Variants in CNTN5 observed in about 807,000 individuals in gnomAD.
CNTN5 encodes the protein contactin-5.
CNTN5 carries 77 observed loss-of-function variants against 129.1 expected under a neutral mutation model. The ratio of observed to expected loss-of-function variants is 0.60; its 90% CI spans 0.50 to 0.72. The LOEUF (loss-of-function observed/expected upper bound fraction) is 0.72, where lower values mean the gene tolerates loss of function less well. Ranked by LOEUF, CNTN5 falls within the 30% of genes least tolerant of loss-of-function variation. The pLI is 0.00. For synonymous variants in CNTN5, 509 were observed against 465.6 expected, an observed-to-expected ratio of 1.09 and a Z score of -1.20; for missense variants, 1,478 against 1,328.8, an observed-to-expected ratio of 1.11 and a Z score of -1.75.
chr11:99,775,085 A>G (rs1248919152), intron 3 of CNTN5, among the ~76,000 whole-genome samples: 2 of 152,082 alleles, frequency 1.3e-5, no homozygotes, highest in Admixed American at 6.6e-5. Flanking sequence ...GATGCTCTAT[A>G]GCTAAGTCAA....
intron 1 of CNTN5, among the ~76,000 whole-genome samples, chr11:99,241,751 A>T (rs983636350): frequency 2.0e-5 from 3 of 152,180 alleles, no homozygotes; most frequent in African/African-American, 4.8e-5. Flanking sequence ...CTCCTTGAAG[A>T]TCACAATTCA....
At chr11:100,221,887 T>C (rs1177569483) in intron 15 of CNTN5, among the ~76,000 whole-genome samples, 1 of 151,196 alleles carries the variant, frequency 6.6e-6, no homozygotes, top group Non-Finnish European at 1.5e-5. Context: ...AAAGTGAAAA[T>C]GAGGTTTAAG....
intron 13 of CNTN5, among the ~76,000 whole-genome samples, chr11:100,120,235 A>T (rs1464474084): frequency 2.6e-5 from 4 of 151,984 alleles, no homozygotes; most frequent in African/African-American, 9.7e-5. Context: ...GAATTTTTGT[A>T]ACAAGCATGT....
intron 6 of CNTN5, among the ~76,000 whole-genome samples, chr11:99,903,854 C>G (rs993055655): frequency 1.3e-5 from 2 of 151,992 alleles, no homozygotes; most frequent in Non-Finnish European, 2.9e-5. Context: ...TACAAATGGG[C>G]AAATGAGCTG....
intron 13 of CNTN5, among the ~76,000 whole-genome samples, chr11:100,116,972 C>T (rs1945859947): frequency 6.6e-6 from 1 of 151,998 alleles, no homozygotes. Flanking sequence ...TGAAGAAATT[C>T]TCAGCTTCTC....
At chr11:99,320,026 C>T (rs901256779) in intron 1 of CNTN5, among the ~76,000 whole-genome samples, 56 of 152,130 alleles carry the variant, frequency 3.7e-4, no homozygotes, top group African/African-American at 1.2e-3. Context: ...GATCACTTGA[C>T]GTCAGGAGTT....
chr11:100,266,960 C>T (rs538379501), intron 17 of CNTN5, among the ~76,000 whole-genome samples: 17 of 152,086 alleles, frequency 1.1e-4, no homozygotes, highest in African/African-American at 3.1e-4. Flanking sequence ...TAAATCCTTG[C>T]CCTTGTGAAG....
At chr11:99,794,779 G>C (rs1020675804) in intron 3 of CNTN5, among the ~76,000 whole-genome samples, 1 of 152,122 alleles carries the variant, frequency 6.6e-6, no homozygotes. Flanking sequence ...TATGGTTTCT[G>C]TGGAAAGGCC....
At chr11:99,697,618 C>T (rs1954329361) in intron 3 of CNTN5, among the ~76,000 whole-genome samples, 1 of 150,600 alleles carries the variant, frequency 6.6e-6, no homozygotes, top group Non-Finnish European at 1.5e-5. Flanking sequence ...AAAATGGGAT[C>T]TTGAAAAAAA....
At chr11:99,875,178 A>G (rs1023305618) in intron 6 of CNTN5, among the ~76,000 whole-genome samples, 3 of 152,306 alleles carry the variant, frequency 2.0e-5, no homozygotes, top group South Asian at 2.1e-4. Context: ...CTTTGTTCTA[A>G]CAGTTACCAG....
intron 9 of CNTN5, among the ~76,000 whole-genome samples, chr11:100,022,448 G>A (rs1195417229): frequency 6.6e-6 from 1 of 152,018 alleles, no homozygotes; most frequent in Non-Finnish European, 1.5e-5. Flanking sequence ...TGTTAATGGT[G>A]TATTTTATTC....
At chr11:99,702,381 C>T (rs1954560568) in intron 3 of CNTN5, among the ~76,000 whole-genome samples, 1 of 150,888 alleles carries the variant, frequency 6.6e-6, no homozygotes, top group South Asian at 2.1e-4. Flanking sequence ...TTCCCATTTT[C>T]AACCTATTGG....
intron 2 of CNTN5, among the ~76,000 whole-genome samples, chr11:99,480,939 T>C (rs1308508451): frequency 5.3e-5 from 8 of 152,176 alleles, no homozygotes; most frequent in African/African-American, 1.7e-4. Context: ...GGGGATATTG[T>C]GTATCTAAGA....
chr11:99,719,095 GA>G (rs1386224248), intron 3 of CNTN5, among the ~76,000 whole-genome samples: 1 of 152,042 alleles, frequency 6.6e-6, no homozygotes, highest in African/African-American at 2.4e-5. Context: ...GAAGCAGGTG[GA>G]TCACTTGAGG....
At chr11:99,663,438 A>G (rs753737575) in intron 3 of CNTN5, among the ~76,000 whole-genome samples, 1 of 152,224 alleles carries the variant, frequency 6.6e-6, no homozygotes, top group Non-Finnish European at 1.5e-5. Context: ...ACTGCACTCC[A>G]TCCTGGGTAA....
chr11:99,658,904 AAG>A (rs1952490695), intron 3 of CNTN5, among the ~76,000 whole-genome samples: 1 of 147,460 alleles, frequency 6.8e-6, no homozygotes, highest in Non-Finnish European at 1.5e-5. Context: ...AAAAAAAAAA[AAG>A]AAAAAGAAAA....
At chr11:99,196,736 A>G (rs1439384096) in intron 1 of CNTN5, among the ~76,000 whole-genome samples, 2 of 151,920 alleles carry the variant, frequency 1.3e-5, no homozygotes, top group African/African-American at 4.8e-5. Context: ...GTTTATTTTA[A>G]TATATCATGA....
chr11:100,086,526 AC>A (rs1944564346), intron 13 of CNTN5, among the ~76,000 whole-genome samples: 1 of 140,874 alleles, frequency 7.1e-6, no homozygotes, highest in Non-Finnish European at 1.5e-5. Context: ...CAATAAAAAA[AC>A]AGAGGGATAT....
intron 2 of CNTN5, among the ~76,000 whole-genome samples, chr11:99,428,564 A>G (rs1290321163): frequency 1.3e-5 from 2 of 150,830 alleles, no homozygotes; most frequent in African/African-American, 4.9e-5. Context: ...TGTCTCAAAA[A>G]AAAAAAAAAA....
Sources: allele counts gnomAD v4.1 joint callset (sites outside exome capture counted in the v4.1 genomes callset), GRCh38; gene constraint gnomAD v4.1.1; transcripts MANE v1.5; gene names NCBI Gene and HGNC (gene_info 2026-07-23, HGNC 2026-07-21).